Variants in DCST1 observed in about 807,000 individuals in gnomAD.
DCST1 encodes E3 ubiquitin-protein ligase DCST1.
DCST1 carries 78 observed loss-of-function variants against 89.1 expected under a neutral mutation model. The observed-to-expected ratio is 0.88, with a 90% CI of 0.73 to 1.06. The LOEUF (loss-of-function observed/expected upper bound fraction) is 1.06, where lower values mean the gene tolerates loss of function less well. Ranked by LOEUF, DCST1 falls within the 50% of genes least tolerant of loss-of-function variation. The pLI is 0.00. For missense variants in DCST1, 900 were observed against 928.6 expected, an observed-to-expected ratio of 0.97 and a Z score of 0.40; for synonymous variants, 364 against 371.9, an observed-to-expected ratio of 0.98 and a Z score of 0.24.
chr1:155,047,431 C>T (rs752697370), intron 14 of DCST1, 119 bp downstream of exon 14: 6 of 900,014 alleles, frequency 6.7e-6, no homozygotes, highest in Non-Finnish European at 1.0e-5. Flanking sequence ...GGGGTTGGAG[C>T]GCTTGAGCTG....
chr1:155,037,078 T>G (rs145933095), intron 4 of DCST1, among the ~76,000 whole-genome samples: 4 of 152,302 alleles, frequency 2.6e-5, no homozygotes, highest in Middle Eastern at 3.4e-3. Context: ...CAGAGCACCT[T>G]ATGGTTGCCT....
Position 155,048,041 on chromosome 1 carries a change from C to T in DCST1, c.1756-16C>T, listed in dbSNP as rs769858691. On this transcript the variant is annotated splice_polypyrimidine_tract_variant and intron_variant, in intron 15 of 16. Transcript: ENST00000295542. ...GGGATGCCTTTCTCTATCATTGACCCCCTTCCTGCCCCCAGCGAGAGAAGA... is the reference window on the plus strand; with the variant it reads ...GGGATGCCTTTCTCTATCATTGACCTCCTTCCTGCCCCCAGCGAGAGAAGA... The T allele has an allele frequency of 1.3e-5, 21 of 1,613,768 alleles. No individual in the cohort carries two copies. The South Asian group carries it at 2.1e-4, about 16-fold the overall frequency.
intron 4 of DCST1, among the ~76,000 whole-genome samples, chr1:155,037,347 C>T (rs1660306470): frequency 1.3e-5 from 2 of 151,900 alleles, no homozygotes; most frequent in Non-Finnish European, 2.9e-5. Context: ...TCTCACTTGA[C>T]ATGTGACACC....
At chr1:155,046,697 C>T (rs1034413680) in intron 13 of DCST1, among the ~76,000 whole-genome samples, 1 of 150,564 alleles carries the variant, frequency 6.6e-6, no homozygotes, top group Non-Finnish European at 1.5e-5. Context: ...CCTCCACCTC[C>T]CAGGTTCAAG....
chr1:155,048,816 C>G (rs1208205538), intron 16 of DCST1, among the ~76,000 whole-genome samples: 1 of 152,034 alleles, frequency 6.6e-6, no homozygotes, highest in Admixed American at 6.5e-5. Context: ...AAGGCAAAAC[C>G]AAAGTTTCTA....
intron 10 of DCST1, among the ~76,000 whole-genome samples, chr1:155,044,039 T>C (rs1660523980): frequency 6.6e-6 from 1 of 152,198 alleles, no homozygotes; most frequent in Non-Finnish European, 1.5e-5. Flanking sequence ...ACACCTGAGA[T>C]GGGCAGGGCT....
At position 155,043,428 on chromosome 1, in the gene DCST1, A is replaced by ACCGCC; in HGVS notation, c.1092_1096dup (p.Gln366ProfsTer90). 1 of 1,613,640 alleles carries ACCGCC rather than the reference A, an allele frequency of 6.2e-7. No homozygotes were observed. Among genetic ancestry groups the ACCGCC allele is most frequent in the Non-Finnish European group, 8.5e-7 (1 of 1,179,820 alleles). On this transcript the variant is annotated frameshift_variant, in exon 10 of 17. Coordinates refer to ENST00000295542, the MANE Select transcript of DCST1 (RefSeq NM_152494.4). LOFTEE classifies it high-confidence loss of function. ...AGCACCGAGGTGCGGGACTACGTGT[A>ACCGCC]CCGCCAGGAGGCCCGGCTGGAGTGG...
intron 6 of DCST1, 104 bp downstream of exon 6, chr1:155,040,728 T>C (rs1242880749): frequency 7.0e-7 from 1 of 1,436,258 alleles, no homozygotes; most frequent in Non-Finnish European, 9.2e-7. Context: ...CCAATGGGGA[T>C]ACTACTGGCA....
intron 16 of DCST1, among the ~76,000 whole-genome samples, chr1:155,048,418 C>T (rs1660732593): frequency 6.6e-6 from 1 of 152,254 alleles, no homozygotes. Flanking sequence ...CAGCCCCCCA[C>T]TCCACAAGTA....
intron 14 of DCST1, 70 bp downstream of exon 14, chr1:155,047,382 TAA>T (rs1660686800): frequency 1.4e-6 from 2 of 1,408,280 alleles, no homozygotes; most frequent in South Asian, 1.3e-5. Context: ...GACTCCAAGG[TAA>T]AGAGTTAGGG....
chr1:155,034,545 G>A lies in DCST1; in HGVS notation c.172G>A (p.Gly58Arg). ...TCTCCTGCTGGGGGCAGGCGCTGGG[G>A]GGCTCCTGGCCATAGGTGAGTGTGG... The part of the protein sequence containing the change: ...TALLLGAGAG[G>R]LLAIGLFQLL... Residue 58 changes from glycine (G) to arginine (R), a missense_variant, in exon 3 of 17, where the codon GGG becomes AGG. Transcript: ENST00000295542. 1 of 1,613,732 alleles carries A rather than the reference G, an allele frequency of 6.2e-7. No individual in the cohort carries two copies. Among genetic ancestry groups the A allele is most frequent in the Non-Finnish European group, 8.5e-7 (1 of 1,180,014 alleles).
At position 155,039,514 on chromosome 1, in the gene DCST1, T is replaced by C; in HGVS notation, c.374T>C (p.Leu125Ser). The change falls in exon 5 of 17, where the codon TTG becomes TCG. Residue 125 changes from leucine to serine, a missense_variant. Transcript: ENST00000295542. The stretch of plus-strand genomic sequence containing the variant: ...AGGCTCTTTGTCCTGGGATACGCCT[T>C]GGCTGCCATCTATGTGGGTGAGTAT... ...EGRLFVLGYA[L>S]AAIYVGPVAN... 1.2e-6 allele frequency: 2 copies of C among 1,600,020 alleles called. No individual in the cohort carries two copies. The highest frequency in any genetic ancestry group is 1.7e-6 in the Non-Finnish European group (2 of 1,172,738).
intron 5 of DCST1, 119 bp downstream of exon 5, chr1:155,039,650 A>T (rs1660375686): frequency 1.5e-6 from 2 of 1,325,464 alleles, no homozygotes. Flanking sequence ...GCTCTAACTC[A>T]CTGTATGTCC....
intron 4 of DCST1, 39 bp downstream of exon 4, chr1:155,034,766 T>G: frequency 1.2e-6 from 2 of 1,609,434 alleles, no homozygotes; most frequent in Non-Finnish European, 1.7e-6. Context: ...TCAAGCGGCC[T>G]GTGGAACACA....
At chr1:155,046,264 C>T in intron 12 of DCST1, 44 bp downstream of exon 12, 1 of 1,614,008 alleles carries the variant, frequency 6.2e-7, no homozygotes, top group Non-Finnish European at 8.5e-7. Flanking sequence ...CAAAGACAGG[C>T]CTGAAGGTGA....
At chr1:155,042,620 A>G (rs1660469478) in intron 8 of DCST1, 115 bp from the exon 9 acceptor site, 1 of 1,433,484 alleles carries the variant, frequency 7.0e-7, no homozygotes, top group Admixed American at 1.8e-5. Flanking sequence ...GTAGCAAGCC[A>G]TGGGCAGAGA....
At chr1:155,038,520 T>C (rs1052737660) in intron 4 of DCST1, among the ~76,000 whole-genome samples, 1 of 152,198 alleles carries the variant, frequency 6.6e-6, no homozygotes, top group Non-Finnish European at 1.5e-5. Flanking sequence ...ACAGTGGAGA[T>C]GGAGGAAGTG....
Position 155,041,515 on chromosome 1 carries a change from A to G in DCST1, c.650A>G (p.Glu217Gly). The G allele has an allele frequency of 1.2e-6, 2 of 1,613,984 alleles. No homozygotes were observed. The highest frequency in any genetic ancestry group is 1.7e-6 in the Non-Finnish European group (2 of 1,180,012). ...CCTGAGGATACCATGGACTCAGGGG[A>G]GACAGCCCAGGGCAGGGAGGCCCGC... ...YTPEDTMDSG[E>G]TAQGREARQA... is the part of the protein sequence containing the mutation. Residue 217 changes from glutamate to glycine, a missense_variant, in exon 7 of 17, where the codon GAG becomes GGG. By Grantham distance (98) the Glu-to-Gly change is moderately conservative (BLOSUM62 -2). Coordinates refer to ENST00000295542, the MANE Select transcript of DCST1 (RefSeq NM_152494.4).
chr1:155,039,164 T>A (rs1426836075), intron 4 of DCST1, among the ~76,000 whole-genome samples: 1 of 152,238 alleles, frequency 6.6e-6, no homozygotes, highest in East Asian at 1.9e-4. Context: ...TGTGGTTTTT[T>A]AAGTTCTAGC....
Sources: allele counts gnomAD v4.1 joint callset (sites outside exome capture counted in the v4.1 genomes callset), GRCh38; gene constraint gnomAD v4.1.1; transcripts MANE v1.5; gene names NCBI Gene and HGNC (gene_info 2026-07-23, HGNC 2026-07-21).